The following ANKRD24 variants were observed in gnomAD, a reference collection of about 807,000 sequenced individuals.
ANKRD24 encodes the protein ankyrin repeat domain 24, also known as ankyrin repeat domain-containing protein 24.
ANKRD24 carries 109 observed loss-of-function variants against 127.8 expected under a neutral mutation model. That is an observed-to-expected ratio of 0.85 (90% CI 0.73 to 1.00). The LOEUF is 1.00. Ranked by LOEUF, ANKRD24 falls within the 50% of genes least tolerant of loss-of-function variation. The probability of loss-of-function intolerance (pLI) is 0.00; values close to 1 mark genes in which losing one functional copy is unlikely to be tolerated. For synonymous variants in ANKRD24, 743 were observed against 671.1 expected (o/e 1.11, Z -1.66); for missense variants, 1,648 against 1,570.2 (o/e 1.05, Z -0.84).
intron 1 of ANKRD24, chr19:4,183,460 A>T: frequency 1.2e-5 from 7 of 565,334 alleles, no homozygotes; most frequent in Non-Finnish European, 1.3e-5. Flanking sequence ...CTGCGGGTGG[A>T]CACAAACATG....
At chr19:4,206,259 C>G (rs1215295127) in intron 7 of ANKRD24, among the ~76,000 whole-genome samples, 1 of 151,746 alleles carries the variant, frequency 6.6e-6, no homozygotes, top group Non-Finnish European at 1.5e-5. Context: ...CTTTGGGAGC[C>G]AGAGGCAGGA....
chr19:4,208,858 C>A, intron 11 of ANKRD24, 57 bp downstream of exon 11: 1 of 1,556,528 alleles, frequency 6.4e-7, no homozygotes, highest in Non-Finnish European at 8.8e-7. Flanking sequence ...ACTAACTTCT[C>A]CCCTGCCCCA....
Position 4,200,064 on chromosome 19 carries a change from C to A in ANKRD24, c.255-19C>A. On this transcript the variant is annotated intron_variant, in intron 4 of 21. Coordinates refer to ENST00000318934, the MANE Select transcript of ANKRD24 (RefSeq NM_001393985.1). Reference sequence around the variant, plus strand: ...AGGGGTGGCAACCTTGCGGCTGAACCCTTGTCTCTCACCTCCAGGTTCCAC... The same window carrying A: ...AGGGGTGGCAACCTTGCGGCTGAACACTTGTCTCTCACCTCCAGGTTCCAC... 6.4e-7 allele frequency: 1 copy of A among 1,574,524 alleles called. No individual in the cohort carries two copies. The highest frequency in any genetic ancestry group is 8.6e-7 in the Non-Finnish European group (1 of 1,158,970).
rs1968994577 is a variant in ANKRD24, at chr19:4,199,886, G to T, written c.135G>T (p.Trp45Cys). 2.5e-6 allele frequency: 4 copies of T among 1,571,198 alleles called. No homozygotes were observed. In the South Asian group the frequency reaches 4.7e-5, roughly 18 times the overall value. The change falls in exon 4 of 22, where the codon TGG (tryptophan) becomes TGT (cysteine). Residue 45 changes from tryptophan (W) to cysteine (C), a missense_variant. Transcript: ENST00000318934. The surrounding 1 kb of genome is among the most constrained non-coding windows in gnomAD (Gnocchi z 5.2). ...AARGRRQSQD[W>C]GKSDERLLQA... ...GGCGTGCCCTGCAGAGTCAAGACTGGGGCAAGAGTGACGAGAGGCTGCTAC... is the reference window on the plus strand; with the variant it reads ...GGCGTGCCCTGCAGAGTCAAGACTGTGGCAAGAGTGACGAGAGGCTGCTAC...
chr19:4,183,869 T>C (rs2145197267), intron 1 of ANKRD24, among the ~76,000 whole-genome samples: 1 of 152,040 alleles, frequency 6.6e-6, no homozygotes, highest in South Asian at 2.1e-4. Flanking sequence ...GATCGCGCCA[T>C]TGCACTCCAG....
chr19:4,183,805 G>T (rs529480727), intron 1 of ANKRD24, among the ~76,000 whole-genome samples: 4 of 152,264 alleles, frequency 2.6e-5, no homozygotes, highest in Non-Finnish European at 5.9e-5. Context: ...TGCTCGGGAG[G>T]CTGAGGCAGG....
At chr19:4,220,950 G>A (rs1343846705) in intron 19 of ANKRD24, among the ~76,000 whole-genome samples, 1 of 151,210 alleles carries the variant, frequency 6.6e-6, no homozygotes, top group Non-Finnish European at 1.5e-5. Context: ...AGGCTGGAGT[G>A]CAGTGGTGCA....
chr19:4,218,177 G>A lies in ANKRD24; in HGVS notation c.3003+14G>A. On this transcript the variant is annotated intron_variant, in intron 18 of 21. Transcript: ENST00000318934. ...GAGGTCTTCCAGGTGAGCAGGGCTG[G>A]TCACCACCCGGGCCCCACCCCCATT... 2 of 1,453,568 alleles carry A rather than the reference G, an allele frequency of 1.4e-6. No homozygotes were observed. The highest frequency in any genetic ancestry group is 1.8e-6 in the Non-Finnish European group (2 of 1,100,380). 90.0% of individuals were successfully genotyped at this position (1,453,568 alleles called of 1,614,324 possible). A position where few individuals can be genotyped will look rare whatever the true frequency, so the allele number is the denominator to read the frequency against.
Position 4,216,335 on chromosome 19 carries a change from T to C in ANKRD24, c.1322T>C (p.Leu441Pro), listed in dbSNP as rs758957174. 14 of 1,569,632 alleles carry C rather than the reference T, an allele frequency of 8.9e-6. No individual in the cohort carries two copies. The highest frequency in any genetic ancestry group is 3.5e-5 in the South Asian group (3 of 85,134). ...RQLSPSAQEH[L>P]ASLQEQVAVL... ...CTCAGTCCGTCGGCCCAGGAACACC[T>C]GGCCTCGCTGCAGGAACAGGTGGCT... Residue 441 changes from leucine to proline, a missense_variant, in exon 17 of 22, where the codon CTG (leucine) becomes CCG (proline). By Grantham distance (98) the Leu-to-Pro change is moderately conservative (BLOSUM62 -3). Transcript: ENST00000318934.
chr19:4,208,392 C>T (rs1415263992), intron 10 of ANKRD24, among the ~76,000 whole-genome samples: 1 of 152,120 alleles, frequency 6.6e-6, no homozygotes, highest in Non-Finnish European at 1.5e-5. Context: ...CCTGCCTCAC[C>T]TTCCAGAGTA....
In ANKRD24 at chr19:4,224,548, G is replaced by T; in HGVS notation, c.*43G>T. ...GGCTACACTGACCACACCCACGCAGGGACCTCACCCCCCTGCAGGCCCCTT... is the reference window on the plus strand; with the variant it reads ...GGCTACACTGACCACACCCACGCAGTGACCTCACCCCCCTGCAGGCCCCTT... On this transcript the variant is annotated 3_prime_UTR_variant, in exon 22 of 22. Coordinates refer to ENST00000318934, the MANE Select transcript of ANKRD24 (RefSeq NM_001393985.1). The T allele has an allele frequency of 1.3e-6, 2 of 1,558,174 alleles. No individual in the cohort carries two copies. Among genetic ancestry groups the T allele is most frequent in the Non-Finnish European group, 1.7e-6 (2 of 1,144,862 alleles).
Position 4,202,922 on chromosome 19 carries a change from T to C in ANKRD24, c.462T>C (p.His154=). The stretch of plus-strand genomic sequence containing the variant: ...GCAGCGGGTGGACTGCCCTACACCA[T>C]GCAGGTGGGTGCAGCCCAGCCCTGC... ...VDSSGWTALH[H]AAAGGCLSCS... The change falls in exon 7 of 22, where the codon CAT becomes CAC. Residue 154 remains histidine, a synonymous_variant. Transcript: ENST00000318934. 6.4e-7 allele frequency: 1 copy of C among 1,568,528 alleles called. No individual in the cohort carries two copies. Among genetic ancestry groups the C allele is most frequent in the Non-Finnish European group, 8.6e-7 (1 of 1,156,944 alleles).
In ANKRD24 at chr19:4,184,860, A is replaced by G. The variant is rs145456350; in HGVS notation, c.-36-1530A>G. Among the ~76,000 whole-genome samples, 127 of 147,494 alleles carry G rather than the reference A, an allele frequency of 8.6e-4. 1 individual carries two copies. The highest frequency in any genetic ancestry group is 3.1e-3 in the African/African-American group (122 of 39,692). ...GGTAGATGTATGGATGGATGGGTGG[A>G]TGGATGAATGGGTGGGTGATTGGGC... On this transcript the variant is annotated intron_variant, in intron 1 of 21. Coordinates refer to ENST00000318934, the MANE Select transcript of ANKRD24 (RefSeq NM_001393985.1).
chr19:4,210,515 GT>G, intron 13 of ANKRD24, 143 bp downstream of exon 13: 1 of 752,470 alleles, frequency 1.3e-6, no homozygotes, highest in Non-Finnish European at 2.1e-6. Context: ...CCTCCTCGCT[GT>G]TCCTCCAACT....
chr19:4,218,753 C>CTT lies in ANKRD24; in HGVS notation c.3003+604_3003+605dup, dbSNP rs556461670. On this transcript the variant is annotated intron_variant, in intron 18 of 21. Coordinates refer to ENST00000318934, the MANE Select transcript of ANKRD24 (RefSeq NM_001393985.1). ...TCCCCCCTTCCCCTTCCCTTCCTTTCTTTTTTTTTTTTTTTCAGACAGGGT... is the reference window on the plus strand; with the variant it reads ...TCCCCCCTTCCCCTTCCCTTCCTTTCTTTTTTTTTTTTTTTTTCAGACAGGGT... Among the ~76,000 whole-genome samples the CTT allele has an allele frequency of 1.2e-3, 132 of 110,214 alleles. 1 individual carries two copies. The highest frequency in any genetic ancestry group is 4.7e-3 in the Middle Eastern group (1 of 212). 72.3% of individuals were successfully genotyped at this position (110,214 alleles called of 152,430 possible).
intron 15 of ANKRD24, among the ~76,000 whole-genome samples, chr19:4,213,444 C>G (rs1969881206): frequency 7.0e-6 from 1 of 142,832 alleles, no homozygotes; most frequent in South Asian, 2.2e-4. Flanking sequence ...CTCTTTCCTT[C>G]TATCCTTCCT....
At chr19:4,196,358 T>G (rs943728359) in intron 2 of ANKRD24, among the ~76,000 whole-genome samples, 19 of 115,722 alleles carry the variant, frequency 1.6e-4, no homozygotes, top group Non-Finnish European at 3.3e-4. Flanking sequence ...TGTTGTTGTT[T>G]TAGTTTGTTT....
intron 2 of ANKRD24, among the ~76,000 whole-genome samples, chr19:4,191,875 G>C (rs559578927): frequency 6.6e-6 from 1 of 151,966 alleles, no homozygotes; most frequent in South Asian, 2.1e-4. Context: ...TCCGCCTCCC[G>C]GGTTCAAGGG....
At chr19:4,191,043 A>T (rs1240617157) in intron 2 of ANKRD24, among the ~76,000 whole-genome samples, 1 of 152,190 alleles carries the variant, frequency 6.6e-6, no homozygotes, top group East Asian at 1.9e-4. Flanking sequence ...GATAGGTGTT[A>T]AAACCTCAGA....
Sources: gnomAD v4.1 joint callset for allele counts (sites outside exome capture counted in the v4.1 genomes callset) on GRCh38, gnomAD v4.1.1 for gene constraint, Gnocchi (gnomAD v3.1) non-coding constraint, MANE v1.5 for transcripts, NCBI Gene and HGNC (gene_info 2026-07-23, HGNC 2026-07-21) for gene names.